Variants in WDFY3 observed in about 807,000 individuals in gnomAD.
WDFY3 encodes WD repeat and FYVE domain containing 3.
A neutral mutation model predicts 409.6 loss-of-function variants in WDFY3; 66 were observed. The observed-to-expected ratio is 0.16, with a 90% CI of 0.13 to 0.20. The LOEUF (loss-of-function observed/expected upper bound fraction) is 0.20. Ranked by LOEUF, WDFY3 falls within the 10% of genes least tolerant of loss-of-function variation. The probability of loss-of-function intolerance (pLI) is 1.00; values close to 1 mark genes in which losing one functional copy is unlikely to be tolerated. For synonymous variants in WDFY3, 1,521 were observed against 1,537.1 expected (o/e 0.99, Z 0.25); for missense variants, 3,031 against 4,298.1 (o/e 0.71, Z 8.24).
At chr4:84,851,878 G>A (rs568337243) in intron 4 of WDFY3, among the ~76,000 whole-genome samples, 49 of 151,462 alleles carry the variant, frequency 3.2e-4, no homozygotes, top group African/African-American at 1.1e-3. Context: ...CTGTGATAAA[G>A]TTTAAGTAAT....
At chr4:84,829,746 G>A (rs963353193) in intron 8 of WDFY3, among the ~76,000 whole-genome samples, 4 of 151,578 alleles carry the variant, frequency 2.6e-5, no homozygotes, top group African/African-American at 9.7e-5. Context: ...GGCAGAGATT[G>A]CAGTGAGCCA....
rs758965488 is a variant in WDFY3 at position 84,821,121 on chromosome 4, G to A, written c.1554C>T (p.Ala518=). 1.9e-6 allele frequency: 3 copies of A among 1,613,138 alleles called. No homozygotes were observed. Among genetic ancestry groups the A allele is most frequent in the South Asian group, 1.1e-5 (1 of 91,004 alleles). ...GTGCCTGAGTTGGATCCTTCAACAG[G>A]GCAGCATATTTATGCAAAAGGTTTA... is the stretch of plus-strand genomic sequence containing the variant. ...VMVNLLHKYA[A]LLKDPTQALN... Residue 518 remains alanine (A), a synonymous_variant, in exon 11 of 68, where the codon GCC becomes GCT. Coordinates refer to ENST00000295888, the MANE Select transcript of WDFY3 (RefSeq NM_014991.6).
In WDFY3 at chr4:84,686,133, G is replaced by A. The variant is rs552684583; in HGVS notation, c.9543+1953C>T. On this transcript the variant is annotated intron_variant, in intron 62 of 67. Coordinates refer to ENST00000295888, the MANE Select transcript of WDFY3 (RefSeq NM_014991.6). The stretch of plus-strand genomic sequence containing the variant: ...ATCTTCGCTAACACGGTGAAACCCC[G>A]TCTCTACTAAAAATACAAAAAAATC... Among the ~76,000 whole-genome samples, 19 of 152,114 alleles carry A rather than the reference G, an allele frequency of 1.2e-4. No homozygotes were observed. The South Asian group carries it at 2.7e-3, about 22-fold the overall frequency.
intron 3 of WDFY3, among the ~76,000 whole-genome samples, chr4:84,873,107 T>C (rs139343143): frequency 1.3e-5 from 2 of 152,312 alleles, no homozygotes; most frequent in Non-Finnish European, 2.9e-5. Flanking sequence ...CATACATTAA[T>C]TGATAAATCA....
chr4:84,697,513 T>A (rs1282817069), intron 56 of WDFY3, among the ~76,000 whole-genome samples: 1 of 152,196 alleles, frequency 6.6e-6, no homozygotes, highest in Non-Finnish European at 1.5e-5. Context: ...TAATATTTAT[T>A]CCATATAAAC....
In WDFY3 at chr4:84,900,337, T is replaced by A. The variant is rs577282092; in HGVS notation, c.-131-3327A>T. On this transcript the variant is annotated intron_variant, in intron 2 of 67. Coordinates refer to ENST00000295888, the MANE Select transcript of WDFY3 (RefSeq NM_014991.6). ...AACTACTGGACTCAAGCAATCCTCT[T>A]GCCTTAGCCTCCCGAGTATCTGGGA... Among the ~76,000 whole-genome samples the A allele has an allele frequency of 2.0e-5, 3 of 152,244 alleles. No homozygotes were observed. In the South Asian group the frequency reaches 6.2e-4, roughly 32 times the overall value.
chr4:84,881,368 G>C (rs1224787621), intron 3 of WDFY3, among the ~76,000 whole-genome samples: 1 of 151,974 alleles, frequency 6.6e-6, no homozygotes, highest in Non-Finnish European at 1.5e-5. Context: ...ATACCATAAA[G>C]ATAAACAAAT....
At chr4:84,762,387 C>A (rs1742800169) in intron 32 of WDFY3, among the ~76,000 whole-genome samples, 1 of 148,058 alleles carries the variant, frequency 6.8e-6, no homozygotes, top group South Asian at 2.1e-4. Flanking sequence ...ACTGCATATT[C>A]TCACTCATAG....
At chr4:84,820,042 G>T in intron 12 of WDFY3, 43 bp downstream of exon 12, 1 of 1,507,026 alleles carries the variant, frequency 6.6e-7, no homozygotes. Flanking sequence ...GATGTAATCA[G>T]TGGTAATCTC....
At chr4:84,821,638 A>G (rs1032773168) in intron 10 of WDFY3, 87 bp from the exon 11 acceptor site, 2 of 1,101,028 alleles carry the variant, frequency 1.8e-6, no homozygotes, top group Non-Finnish European at 2.6e-6. Context: ...ATCATGAATT[A>G]TAACATTTAT....
chr4:84,899,620 T>TA (rs1318408185), intron 2 of WDFY3, among the ~76,000 whole-genome samples: 1 of 152,186 alleles, frequency 6.6e-6, no homozygotes, highest in East Asian at 1.9e-4. Flanking sequence ...TTCATTTACT[T>TA]ACGTATTGTC....
intron 53 of WDFY3, among the ~76,000 whole-genome samples, chr4:84,706,095 C>A (rs1051172476): frequency 1.3e-5 from 2 of 152,060 alleles, no homozygotes; most frequent in African/African-American, 4.8e-5. Context: ...TTCTAGTTTA[C>A]CAGAGATCAC....
At chr4:84,895,000 A>G (rs138202948) in intron 3 of WDFY3, among the ~76,000 whole-genome samples, 2,072 of 151,324 alleles carry the variant, frequency 0.014, 27 homozygotes, top group Middle Eastern at 0.028. Context: ...TATTTTTCTC[A>G]TAATTGATTA....
intron 27 of WDFY3, among the ~76,000 whole-genome samples, chr4:84,775,436 C>A (rs1358323922): frequency 6.6e-6 from 1 of 151,854 alleles, no homozygotes; most frequent in East Asian, 1.9e-4. Context: ...CCAAAGCCCC[C>A]TAATGAACCT....
At chr4:84,797,896 C>T in intron 18 of WDFY3, 100 bp downstream of exon 18, 1 of 1,135,812 alleles carries the variant, frequency 8.8e-7, no homozygotes, top group Non-Finnish European at 1.3e-6. Flanking sequence ...ATAATAAACC[C>T]TTCTCTTTCT....
At chr4:84,865,042 C>T (rs1761181945) in intron 3 of WDFY3, among the ~76,000 whole-genome samples, 1 of 152,010 alleles carries the variant, frequency 6.6e-6, no homozygotes, top group African/African-American at 2.4e-5. Flanking sequence ...GCATGCACCA[C>T]CATGCCTGTC....
At chr4:84,869,528 T>C (rs1005265182) in intron 3 of WDFY3, among the ~76,000 whole-genome samples, 1 of 152,196 alleles carries the variant, frequency 6.6e-6, no homozygotes, top group African/African-American at 2.4e-5. Flanking sequence ...TTTCTACTTC[T>C]TTCCATAAAT....
intron 3 of WDFY3, among the ~76,000 whole-genome samples, chr4:84,865,218 C>T (rs1205356008): frequency 6.6e-6 from 1 of 152,104 alleles, no homozygotes; most frequent in African/African-American, 2.4e-5. Context: ...TAAAAATACA[C>T]ATGATCACAT....
chr4:84,887,864 G>C (rs1018237007), intron 3 of WDFY3, among the ~76,000 whole-genome samples: 1 of 152,060 alleles, frequency 6.6e-6, no homozygotes, highest in Non-Finnish European at 1.5e-5. Context: ...ACCAAAGATA[G>C]TACTATTTGT....
Sources: allele counts gnomAD v4.1 joint callset (sites outside exome capture counted in the v4.1 genomes callset), GRCh38; gene constraint gnomAD v4.1.1; transcripts MANE v1.5; gene names NCBI Gene and HGNC (gene_info 2026-07-23, HGNC 2026-07-21).